Variants in GNA14 observed in about 807,000 individuals in gnomAD.
The protein encoded by GNA14 is guanine nucleotide-binding protein subunit alpha-14.
Under a neutral mutation model 42.0 loss-of-function variants are expected in GNA14, and 50 were observed. The observed-to-expected ratio is 1.19, with a 90% confidence interval of 0.95 to 1.51. The LOEUF is 1.51. Among genes scored for constraint, GNA14 ranks in the 40% most tolerant of loss-of-function variants. The probability of loss-of-function intolerance (pLI) is 0.00; values close to 1 mark genes in which losing one functional copy is unlikely to be tolerated. For synonymous variants in GNA14, 173 were observed against 163.1 expected (o/e 1.06, Z -0.46); for missense variants, 473 against 446.2 (o/e 1.06, Z -0.54).
At chr9:77,638,881 C>G (rs58591303) in intron 1 of GNA14, among the ~76,000 whole-genome samples, 1,753 of 152,198 alleles carry the variant, frequency 0.012, 31 homozygotes, top group African/African-American at 0.04. Flanking sequence ...TGGGCTGTGG[C>G]AATTTCCTGG....
At chr9:77,454,062 G>A (rs532697973) in intron 2 of GNA14, among the ~76,000 whole-genome samples, 2 of 152,292 alleles carry the variant, frequency 1.3e-5, no homozygotes, top group East Asian at 1.9e-4. Flanking sequence ...CGCCCGCTCC[G>A]TGCAGCATCC....
chr9:77,430,555 G>A lies in GNA14; in HGVS notation c.593+766C>T, dbSNP rs139178160. Among the ~76,000 whole-genome samples the A allele has an allele frequency of 7.6e-4, 115 of 152,250 alleles. No individual in the cohort carries two copies. In the East Asian group the frequency reaches 0.02, roughly 26 times the overall value. On this transcript the variant is annotated intron_variant, in intron 4 of 6. Coordinates refer to ENST00000341700, the MANE Select transcript of GNA14 (RefSeq NM_004297.4). The stretch of plus-strand genomic sequence containing the variant: ...CATGTTTGAGGGGCTGGACCTGAGG[G>A]CTTCCCAAACACAGCAATTCTGGAG...
intron 2 of GNA14, among the ~76,000 whole-genome samples, chr9:77,448,691 G>T (rs1302165603): frequency 6.6e-6 from 1 of 152,100 alleles, no homozygotes. Context: ...CATTCATCAG[G>T]CATGCGTGTA....
At chr9:77,553,375 C>G (rs1344340776) in intron 1 of GNA14, among the ~76,000 whole-genome samples, 1 of 151,964 alleles carries the variant, frequency 6.6e-6, no homozygotes, top group Admixed American at 6.6e-5. Flanking sequence ...AGATCTTAAC[C>G]ACATGGAAAC....
Position 77,432,108 on chromosome 9 carries a change from T to A in GNA14, c.465-659A>T, listed in dbSNP as rs1304093233. Reference sequence around the variant, plus strand: ...TCTGTAGTAAAATAAGAGAATCCTTTAAAAAAAAAAAAAACTTTAAGGCCT... The same window carrying A: ...TCTGTAGTAAAATAAGAGAATCCTTAAAAAAAAAAAAAAACTTTAAGGCCT... On this transcript the variant is annotated intron_variant, in intron 3 of 6. Transcript: ENST00000341700. 6.7e-3 allele frequency among the ~76,000 whole-genome samples: 957 copies of A among 142,358 alleles called. 14 individuals are homozygous for A. The highest frequency in any genetic ancestry group is 0.023 in the African/African-American group (883 of 38,818). The allele number at this position is 142,358 out of a possible 152,430, so 93.4% of individuals were successfully genotyped here.
chr9:77,460,908 T>G (rs555002551), intron 2 of GNA14, among the ~76,000 whole-genome samples: 1 of 152,264 alleles, frequency 6.6e-6, no homozygotes, highest in South Asian at 2.1e-4. Flanking sequence ...CCCTTACAGG[T>G]CTCACCGAAA....
chr9:77,517,496 C>G (rs965491212), intron 2 of GNA14: 3 of 151,186 alleles, frequency 2.0e-5, no homozygotes, highest in Non-Finnish European at 1.5e-5. Context: ...GAGGACGCAC[C>G]TGGAAGCCAC....
At chr9:77,549,471 C>T (rs1410780794) in intron 1 of GNA14, among the ~76,000 whole-genome samples, 1 of 152,174 alleles carries the variant, frequency 6.6e-6, no homozygotes, top group Non-Finnish European at 1.5e-5. Context: ...CCCAAAATTC[C>T]CGCACTTGTC....
chr9:77,590,420 C>T (rs530821200), intron 1 of GNA14, among the ~76,000 whole-genome samples: 24 of 152,178 alleles, frequency 1.6e-4, no homozygotes, highest in Non-Finnish European at 3.1e-4. Context: ...ACGTGGTGAG[C>T]ATAATTTCAC....
intron 2 of GNA14, among the ~76,000 whole-genome samples, chr9:77,486,999 C>T (rs753456551): frequency 2.8e-5 from 4 of 144,624 alleles, no homozygotes; most frequent in Non-Finnish European, 4.5e-5. Flanking sequence ...TGTAGTGTTA[C>T]CACAAACCTT....
chr9:77,469,709 C>G (rs1373105192), intron 2 of GNA14, among the ~76,000 whole-genome samples: 1 of 152,188 alleles, frequency 6.6e-6, no homozygotes, highest in Non-Finnish European at 1.5e-5. Flanking sequence ...ACAGAAAGCT[C>G]TGCTGCAGAC....
chr9:77,634,492 G>GAAGGAAGGAAGGAAGA (rs1554705280), intron 1 of GNA14, among the ~76,000 whole-genome samples: 1 of 148,540 alleles, frequency 6.7e-6, no homozygotes, highest in East Asian at 2.0e-4. Context: ...AGGAAGGAAG[G>GAAGGAAGGAAGGAAGA]AAGGGAGTGA....
At chr9:77,609,567 C>G (rs1823697416) in intron 1 of GNA14, among the ~76,000 whole-genome samples, 1 of 152,156 alleles carries the variant, frequency 6.6e-6, no homozygotes, top group Non-Finnish European at 1.5e-5. Flanking sequence ...AAGTAAAATA[C>G]TCCTAACAAA....
intron 1 of GNA14, among the ~76,000 whole-genome samples, chr9:77,558,088 TA>T (rs112575763): frequency 7.9e-5 from 12 of 152,268 alleles, no homozygotes; most frequent in African/African-American, 2.6e-4. Flanking sequence ...TAAACATATT[TA>T]AAAAATAATT....
At chr9:77,635,679 T>C (rs954710059) in intron 1 of GNA14, among the ~76,000 whole-genome samples, 6 of 152,222 alleles carry the variant, frequency 3.9e-5, no homozygotes, top group African/African-American at 1.4e-4. Context: ...TTTACTATGG[T>C]GGCATTTGCT....
At chr9:77,639,964 C>T (rs377232588) in intron 1 of GNA14, among the ~76,000 whole-genome samples, 3 of 152,318 alleles carry the variant, frequency 2.0e-5, no homozygotes, top group African/African-American at 7.2e-5. Flanking sequence ...CTTCCTCTAA[C>T]AGTAGTTGTA....
intron 2 of GNA14, among the ~76,000 whole-genome samples, chr9:77,464,764 C>A (rs184996675): frequency 8.5e-5 from 13 of 152,284 alleles, no homozygotes; most frequent in African/African-American, 2.9e-4. Context: ...ATCCCCAGTA[C>A]TGGTGAATGT....
At chr9:77,532,899 G>T (rs1487147775) in intron 1 of GNA14, among the ~76,000 whole-genome samples, 1 of 152,094 alleles carries the variant, frequency 6.6e-6, no homozygotes, top group African/African-American at 2.4e-5. Context: ...GGAGTGGGAG[G>T]TCTTTTAACT....
chr9:77,643,961 C>CA (rs968147626), intron 1 of GNA14, among the ~76,000 whole-genome samples: 6 of 152,190 alleles, frequency 3.9e-5, no homozygotes, highest in Non-Finnish European at 7.3e-5. Flanking sequence ...GGCTAGGGTT[C>CA]AAACCCAGGC....
Sources: allele counts gnomAD v4.1 joint callset (sites outside exome capture counted in the v4.1 genomes callset), GRCh38; gene constraint gnomAD v4.1.1; transcripts MANE v1.5; gene names NCBI Gene and HGNC (gene_info 2026-07-23, HGNC 2026-07-21).